DNAJC5: variants seen among roughly 807,000 people sequenced by gnomAD.
DNAJC5 encodes DnaJ heat shock protein family (Hsp40) member C5.
In DNAJC5, 1 loss-of-function variant was observed where a neutral mutation model predicts 23.2. The observed-to-expected ratio is 0.04, with a 90% CI of 0.02 to 0.20. DNAJC5 has a LOEUF of 0.20. Ranked by LOEUF, DNAJC5 falls within the 10% of genes least tolerant of loss-of-function variation. The pLI is 1.00. For missense variants in DNAJC5, 180 were observed against 267.0 expected (o/e 0.67, Z 2.27); for synonymous variants, 136 against 120.0 (o/e 1.13, Z -0.87).
At chr20:63,918,244 C>T (rs1482002327) in intron 1 of DNAJC5, among the ~76,000 whole-genome samples, 4 of 152,070 alleles carry the variant, frequency 2.6e-5, no homozygotes, top group African/African-American at 9.7e-5. Flanking sequence ...AAGCCAGGCA[C>T]GATGCTGTGT....
rs2053667493 is a variant in DNAJC5, at chr20:63,931,223, G to A, written c.493+201G>A. ...AGAGCTGTCCCCGCCGTGACCTGCG[G>A]TAGCCGTAGATCCCAGGGACTGCGA... is the stretch of plus-strand genomic sequence containing the variant. On this transcript the variant is annotated intron_variant, in intron 4 of 4. Coordinates refer to ENST00000360864, the MANE Select transcript of DNAJC5 (RefSeq NM_025219.3). The surrounding 1 kb of genome is among the most constrained non-coding windows in gnomAD (Gnocchi z 9.6). 2 of 793,206 alleles carry A rather than the reference G, an allele frequency of 2.5e-6. No homozygotes were observed. Among genetic ancestry groups the A allele is most frequent in the Admixed American group, 4.0e-5 (2 of 50,020 alleles). 49.1% of individuals were successfully genotyped at this position (793,206 alleles called of 1,614,324 possible). A position where few individuals can be genotyped will look rare whatever the true frequency, so the allele number is the denominator to read the frequency against.
intron 1 of DNAJC5, among the ~76,000 whole-genome samples, chr20:63,913,099 T>TCTCCTGCTCCATCTCCCCATCTGCACCGA (rs2053492960): frequency 1.1e-5 from 1 of 94,350 alleles, no homozygotes; most frequent in African/African-American, 6.2e-5. Context: ...GTCTGCACTG[T>TCTCCTGCTCCATCTCCCCATCTGCACCGA]CTCTCCCAGA....
chr20:63,925,343 G>A (rs1001397437), intron 1 of DNAJC5, among the ~76,000 whole-genome samples: 5 of 152,036 alleles, frequency 3.3e-5, no homozygotes, highest in Non-Finnish European at 7.4e-5. Context: ...AATTACCTGG[G>A]CGTGGTTCGC....
intron 1 of DNAJC5, among the ~76,000 whole-genome samples, chr20:63,913,105 C>CCTGCCCCGTCTCCAT (rs1555878050): frequency 7.8e-4 from 118 of 151,884 alleles, no homozygotes; most frequent in East Asian, 1.7e-3. Context: ...ACTGTCTCTC[C>CCTGCCCCGTCTCCAT]CAGAGGTGTT....
Position 63,931,667 on chromosome 20 carries a change from C to T in DNAJC5, c.*99C>T. ...ACAGAGATGGGAAGGCAGCCTCCTG[C>T]CTGCCCTGGCCTTGCTGGGGCCCCT... On this transcript the variant is annotated 3_prime_UTR_variant, in exon 5 of 5. Coordinates refer to ENST00000360864, the MANE Select transcript of DNAJC5 (RefSeq NM_025219.3). This position sits in a 1 kb window ranked among gnomAD's most constrained non-coding sequence, Gnocchi z 9.6. 1 of 1,292,950 alleles carries T rather than the reference C, an allele frequency of 7.7e-7. No individual in the cohort carries two copies. The highest frequency in any genetic ancestry group is 1.3e-5 in the South Asian group (1 of 78,988). 80.1% of individuals were successfully genotyped at this position (1,292,950 alleles called of 1,614,324 possible). A position where few individuals can be genotyped will look rare whatever the true frequency, so the allele number is the denominator to read the frequency against.
In DNAJC5 at chr20:63,895,297, A is replaced by AGGGCGGGC. The variant is rs917983556; in HGVS notation, c.-27_-20dup. 9.2e-5 allele frequency: 13 copies of AGGGCGGGC among 141,548 alleles called. No individual in the cohort carries two copies. Among genetic ancestry groups the AGGGCGGGC allele is most frequent in the Admixed American group, 4.2e-4 (6 of 14,382 alleles). The allele number at this position is 141,548 out of a possible 1,614,324, so 8.8% of individuals were successfully genotyped here. ...GGAGCGGAGCCGCGGAGCCGGCGGG[A>AGGGCGGGC]GGGCGGGCGGGCGGGCGGACGGGCA... On this transcript the variant is annotated 5_prime_UTR_variant, in exon 1 of 5. Coordinates refer to ENST00000360864, the MANE Select transcript of DNAJC5 (RefSeq NM_025219.3).
chr20:63,931,211 C>T lies in DNAJC5; in HGVS notation c.493+189C>T. 1.2e-6 allele frequency: 1 copy of T among 803,774 alleles called. No homozygotes were observed. 49.8% of individuals were successfully genotyped at this position (803,774 alleles called of 1,614,324 possible). On this transcript the variant is annotated intron_variant, in intron 4 of 4. Transcript: ENST00000360864. The surrounding 1 kb of genome is among the most constrained non-coding windows in gnomAD (Gnocchi z 9.6). Reference sequence around the variant, plus strand: ...AAGCAGGCGCATAGAGCTGTCCCCGCCGTGACCTGCGGTAGCCGTAGATCC... The same window carrying T: ...AAGCAGGCGCATAGAGCTGTCCCCGTCGTGACCTGCGGTAGCCGTAGATCC...
intron 1 of DNAJC5, among the ~76,000 whole-genome samples, chr20:63,915,329 G>C (rs993040939): frequency 1.3e-5 from 2 of 152,068 alleles, no homozygotes; most frequent in African/African-American, 4.8e-5. Flanking sequence ...CTTGGAGGAG[G>C]GCTGTTGTTC....
At chr20:63,895,481 G>A (rs1393974093) in intron 1 of DNAJC5, among the ~76,000 whole-genome samples, 158 bp downstream of exon 1, 1 of 146,992 alleles carries the variant, frequency 6.8e-6, no homozygotes, top group African/African-American at 2.4e-5. Flanking sequence ...CGGAGCTGCT[G>A]CGACGCCGCG....
At chr20:63,909,858 A>G (rs1481083509) in intron 1 of DNAJC5, among the ~76,000 whole-genome samples, 1 of 152,258 alleles carries the variant, frequency 6.6e-6, no homozygotes, top group Non-Finnish European at 1.5e-5. Context: ...GGCGTGCACC[A>G]GACCAGAATC....
At chr20:63,930,786 G>A (rs2053662426) in intron 3 of DNAJC5, 65 bp from the exon 4 acceptor site, 76 of 1,607,822 alleles carry the variant, frequency 4.7e-5, no homozygotes, top group Non-Finnish European at 6.4e-5. Context: ...GGGCATTTGG[G>A]AGTCCTGCGC....
At position 63,932,054 on chromosome 20, in the gene DNAJC5, G is replaced by A. The variant is rs2053677825; in HGVS notation, c.*486G>A. 3.9e-6 allele frequency: 1 copy of A among 253,758 alleles called. No homozygotes were observed. Among genetic ancestry groups the A allele is most frequent in the South Asian group, 4.2e-5 (1 of 23,546 alleles). 15.7% of individuals were successfully genotyped at this position (253,758 alleles called of 1,614,324 possible). A position where few individuals can be genotyped will look rare whatever the true frequency, so the allele number is the denominator to read the frequency against. On this transcript the variant is annotated 3_prime_UTR_variant, in exon 5 of 5. Transcript: ENST00000360864. This position sits in a 1 kb window ranked among gnomAD's most constrained non-coding sequence, Gnocchi z 4.4. ...GTCTGGTCCACACTCTGTGCTCCCA[G>A]CCTTGAGGCTGCAGTAGGACTCTGA...
intron 1 of DNAJC5, among the ~76,000 whole-genome samples, chr20:63,898,630 T>C (rs1036179195): frequency 6.6e-6 from 1 of 152,064 alleles, no homozygotes; most frequent in Admixed American, 6.6e-5. Context: ...GATCTTGAGA[T>C]CGAGAGATCG....
At chr20:63,915,312 A>G (rs1568980494) in intron 1 of DNAJC5, among the ~76,000 whole-genome samples, 1 of 152,180 alleles carries the variant, frequency 6.6e-6, no homozygotes, top group African/African-American at 2.4e-5. Flanking sequence ...TGTGACCTCA[A>G]AGGTGACTTG....
Position 63,920,313 on chromosome 20 carries a change from C to T in DNAJC5, c.-11-8022C>T, listed in dbSNP as rs1455094467. Among the ~76,000 whole-genome samples the T allele has an allele frequency of 6.6e-6, 1 of 152,222 alleles. No individual in the cohort carries two copies. The highest frequency in any genetic ancestry group is 2.4e-5 in the African/African-American group (1 of 41,454). Reference sequence around the variant, plus strand: ...CTGACGTGGGACCCGGCACTCTGTGCTCTGTGTCTGCCCGGGAACAGGTAG... The same window carrying T: ...CTGACGTGGGACCCGGCACTCTGTGTTCTGTGTCTGCCCGGGAACAGGTAG... On this transcript the variant is annotated intron_variant, in intron 1 of 4. Transcript: ENST00000360864. This position sits in a 1 kb window ranked among gnomAD's most constrained non-coding sequence, Gnocchi z 4.6.
intron 1 of DNAJC5, among the ~76,000 whole-genome samples, chr20:63,897,833 C>T (rs1209054821): frequency 3.3e-5 from 5 of 152,162 alleles, no homozygotes; most frequent in Non-Finnish European, 5.9e-5. Context: ...TGGTGACTTG[C>T]AGACTCTGGA....
chr20:63,919,717 C>T (rs762946431), intron 1 of DNAJC5: 2 of 443,732 alleles, frequency 4.5e-6, no homozygotes, highest in East Asian at 6.9e-5. Context: ...CGGAAGAGGA[C>T]GCACAGGACA....
intron 1 of DNAJC5, among the ~76,000 whole-genome samples, chr20:63,926,030 G>T (rs895295050): frequency 6.6e-6 from 1 of 152,016 alleles, no homozygotes; most frequent in African/African-American, 2.4e-5. Context: ...GGGTTTCACT[G>T]TGTTAGCCAG....
chr20:63,926,481 G>A (rs1409656967), intron 1 of DNAJC5, among the ~76,000 whole-genome samples: 1 of 152,208 alleles, frequency 6.6e-6, no homozygotes, highest in Non-Finnish European at 1.5e-5. Flanking sequence ...CTTGATTAAC[G>A]TGTTGTACTA....
Sources: gnomAD v4.1 joint callset for allele counts (sites outside exome capture counted in the v4.1 genomes callset) on GRCh38, gnomAD v4.1.1 for gene constraint, Gnocchi (gnomAD v3.1) non-coding constraint, MANE v1.5 for transcripts, NCBI Gene and HGNC (gene_info 2026-07-23, HGNC 2026-07-21) for gene names.